Variants in CCDC141 observed in about 807,000 individuals in gnomAD.
CCDC141 encodes coiled-coil domain containing 141.
A neutral mutation model predicts 181.0 loss-of-function variants in CCDC141; 168 were observed. That is an observed-to-expected ratio of 0.93 (90% CI 0.82 to 1.05). CCDC141 has a LOEUF of 1.05. CCDC141 is among the 50% of genes least tolerant of loss of function. CCDC141 has a pLI of 0.00. For missense variants in CCDC141, 1,902 were observed against 1,788.5 expected (o/e 1.06, Z -1.14); for synonymous variants, 666 against 642.3 (o/e 1.04, Z -0.56).
intron 4 of CCDC141, among the ~76,000 whole-genome samples, chr2:178,969,712 C>T (rs1185082967): frequency 6.6e-6 from 1 of 152,174 alleles, no homozygotes; most frequent in African/African-American, 2.4e-5. Flanking sequence ...TGAAAACCAG[C>T]ACAAGACAAA....
At chr2:178,986,972 C>A (rs377608931) in intron 2 of CCDC141, among the ~76,000 whole-genome samples, 46 of 152,006 alleles carry the variant, frequency 3.0e-4, no homozygotes, top group Admixed American at 1.4e-3. Context: ...AACTACTTTA[C>A]AGTTCATATG....
Position 178,858,310 on chromosome 2 carries a change from T to C in CCDC141, c.2725-1913A>G, listed in dbSNP as rs539129528. Among the ~76,000 whole-genome samples the C allele has an allele frequency of 1.0e-3, 155 of 152,312 alleles. 1 individual carries two copies. Among genetic ancestry groups the C allele is most frequent in the Admixed American group, 2.7e-3 (42 of 15,296 alleles). ...CATTCTACGGCACTCAATGTTTTAA[T>C]GTGCGTATGTTTGGTTTTAACAGGA... is the stretch of plus-strand genomic sequence containing the variant. On this transcript the variant is annotated intron_variant, in intron 17 of 23. Coordinates refer to ENST00000443758, the MANE Select transcript of CCDC141 (RefSeq NM_173648.4).
At chr2:178,901,327 C>G (rs13419346) in intron 8 of CCDC141, among the ~76,000 whole-genome samples, 1 of 152,032 alleles carries the variant, frequency 6.6e-6, no homozygotes, top group Non-Finnish European at 1.5e-5. Context: ...AGGCGAATAT[C>G]CTTGATGAAT....
At position 178,834,252 on chromosome 2, in the gene CCDC141, GGCA is replaced by G. The variant is rs1684380378; in HGVS notation, c.4511_4513del (p.Leu1504del). On this transcript the variant is annotated inframe_deletion, in exon 24 of 24. Coordinates refer to ENST00000443758, the MANE Select transcript of CCDC141 (RefSeq NM_173648.4). The stretch of plus-strand genomic sequence containing the variant: ...GGTTATCCAGTTTACTCTTGTGATT[GGCA>G]GCCTGCAGTTACCTGTCACGTGGAG... The G allele has an allele frequency of 6.5e-7, 1 of 1,536,054 alleles. No homozygotes were observed. The highest frequency in any genetic ancestry group is 1.2e-5 in the South Asian group (1 of 84,056).
intron 2 of CCDC141, among the ~76,000 whole-genome samples, chr2:179,041,135 G>A (rs2592565): frequency 0.65 from 98,787 of 151,860 alleles, 33,298 homozygotes; most frequent in East Asian, 0.77. Flanking sequence ...GCAGTGGTGC[G>A]ATCTCGGCTC....
chr2:178,884,024 A>G (rs1250941425), intron 11 of CCDC141, among the ~76,000 whole-genome samples: 3 of 152,182 alleles, frequency 2.0e-5, no homozygotes, highest in Non-Finnish European at 4.4e-5. Context: ...AAGGTATTCA[A>G]AAAGATCCAT....
intron 6 of CCDC141, among the ~76,000 whole-genome samples, chr2:178,941,782 G>A (rs1048960752): frequency 1.9e-4 from 28 of 143,770 alleles, no homozygotes; most frequent in Admixed American, 9.0e-4. Context: ...GCAAGACCCC[G>A]TCTCTACAAA....
chr2:178,836,786 AG>A lies in CCDC141; in HGVS notation c.4325+107del, dbSNP rs1430012426. 6 of 1,242,812 alleles carry A rather than the reference AG, an allele frequency of 4.8e-6. No homozygotes were observed. In the East Asian group the frequency reaches 1.4e-4, roughly 29 times the overall value. 77.0% of individuals were successfully genotyped at this position (1,242,812 alleles called of 1,614,324 possible). On this transcript the variant is annotated intron_variant, in intron 23 of 23. Transcript: ENST00000443758. ...GAATCATGCAGAGTTGCAGTGTCAT[AG>A]AATATTAATCAGCTAGCCCTAAACC...
chr2:178,974,532 G>A (rs768043863), intron 4 of CCDC141, among the ~76,000 whole-genome samples: 4 of 152,114 alleles, frequency 2.6e-5, no homozygotes, highest in Non-Finnish European at 5.9e-5. Context: ...TGTTCAGAGG[G>A]AACTGAAAAT....
rs532894045 is a variant in CCDC141 at position 178,979,176 on chromosome 2, T to C, written c.226-501A>G. Among the ~76,000 whole-genome samples the C allele has an allele frequency of 7.0e-4, 107 of 152,290 alleles. 1 individual carries two copies. Among genetic ancestry groups the C allele is most frequent in the African/African-American group, 2.5e-3 (104 of 41,560 alleles). On this transcript the variant is annotated intron_variant, in intron 2 of 23. Coordinates refer to ENST00000443758, the MANE Select transcript of CCDC141 (RefSeq NM_173648.4). ...TAGTCATAATTTAAAAATTAAGATA[T>C]CTATAACCAACATTATCTACTGTTT... is the stretch of plus-strand genomic sequence containing the variant.
chr2:178,950,886 C>G (rs1456615394), intron 5 of CCDC141, among the ~76,000 whole-genome samples: 2 of 152,100 alleles, frequency 1.3e-5, no homozygotes. Context: ...ACTATTCTGA[C>G]TTGTATTAGC....
chr2:178,973,947 C>A (rs948244023), intron 4 of CCDC141, among the ~76,000 whole-genome samples: 1 of 152,140 alleles, frequency 6.6e-6, no homozygotes, highest in African/African-American at 2.4e-5. Flanking sequence ...TGCTTTAAAG[C>A]ACAAACTTTT....
chr2:178,822,712 G>A, the CCDC141 span, among the ~76,000 whole-genome samples: 2 of 152,088 alleles, frequency 1.3e-5, no homozygotes, highest in Non-Finnish European at 2.9e-5. Flanking sequence ...GTTTCTCAGG[G>A]CAACATCAAT....
intron 23 of CCDC141, 108 bp downstream of exon 23, chr2:178,836,786 A>T: frequency 8.0e-7 from 1 of 1,242,930 alleles, no homozygotes; most frequent in Non-Finnish European, 1.1e-6. Context: ...GCAGTGTCAT[A>T]GAATATTAAT....
At chr2:179,010,130 G>A (rs1036737028) in intron 2 of CCDC141, among the ~76,000 whole-genome samples, 4 of 151,898 alleles carry the variant, frequency 2.6e-5, no homozygotes, top group Non-Finnish European at 4.4e-5. Flanking sequence ...TATGAACAAA[G>A]CCTCCAAGAA....
At chr2:179,047,197 C>T in intron 2 of CCDC141, 87 bp downstream of exon 2, 3 of 1,244,288 alleles carry the variant, frequency 2.4e-6, no homozygotes, top group Non-Finnish European at 3.2e-6. Context: ...GGCCCTAGGC[C>T]AGTAACAGCA....
chr2:178,938,711 T>C (rs925642701), intron 6 of CCDC141, among the ~76,000 whole-genome samples: 3 of 152,156 alleles, frequency 2.0e-5, no homozygotes, highest in African/African-American at 7.2e-5. Flanking sequence ...TCTCCCACTA[T>C]TATTGTCACA....
At chr2:178,835,470 C>G (rs1420526063) in intron 23 of CCDC141, among the ~76,000 whole-genome samples, 1 of 152,144 alleles carries the variant, frequency 6.6e-6, no homozygotes, top group Admixed American at 6.5e-5. Flanking sequence ...TATTTCTACC[C>G]ACAATCTATC....
At chr2:178,996,407 A>G (rs956986167) in intron 2 of CCDC141, among the ~76,000 whole-genome samples, 2 of 152,170 alleles carry the variant, frequency 1.3e-5, no homozygotes, top group Non-Finnish European at 2.9e-5. Flanking sequence ...GCAGTGATAG[A>G]GGGAAGAATA....
Sources: gnomAD v4.1 joint callset for allele counts (sites outside exome capture counted in the v4.1 genomes callset) on GRCh38, gnomAD v4.1.1 for gene constraint, MANE v1.5 for transcripts, NCBI Gene and HGNC (gene_info 2026-07-23, HGNC 2026-07-21) for gene names.